ATIC: variants seen among roughly 807,000 people sequenced by gnomAD.
The protein encoded by ATIC is 5-aminoimidazole-4-carboxamide ribonucleotide formyltransferase/IMP cyclohydrolase, also known as bifunctional purine biosynthesis protein ATIC.
Under a neutral mutation model 72.5 loss-of-function variants are expected in ATIC, and 64 were observed. The ratio of observed to expected loss-of-function variants is 0.88; its 90% CI spans 0.72 to 1.09. The LOEUF (loss-of-function observed/expected upper bound fraction) is 1.09, where lower values mean the gene tolerates loss of function less well. Ranked by LOEUF, ATIC falls within the 50% of genes least tolerant of loss-of-function variation. The pLI, the probability that ATIC is intolerant of heterozygous loss-of-function variation, is 0.00. For missense variants in ATIC, 787 were observed against 732.4 expected (o/e 1.07, Z -0.86); for synonymous variants, 281 against 267.1 (o/e 1.05, Z -0.51).
chr2:215,314,626 G>A (rs1417359098), intron 2 of ATIC, among the ~76,000 whole-genome samples: 2 of 151,968 alleles, frequency 1.3e-5, no homozygotes, highest in Non-Finnish European at 2.9e-5. Context: ...AGCCTCCCAA[G>A]TAGCTAGGAT....
At chr2:215,325,914 A>C in intron 5 of ATIC, 73 bp from the exon 6 acceptor site, 5 of 1,554,592 alleles carry the variant, frequency 3.2e-6, no homozygotes, top group Non-Finnish European at 4.4e-6. Context: ...TACATGCACA[A>C]TGACTTTATT....
chr2:215,348,586 T>C, intron 14 of ATIC: 1 of 377,774 alleles, frequency 2.6e-6, no homozygotes, highest in South Asian at 1.9e-5. Flanking sequence ...ATCACTTTTT[T>C]TCCTTAATGA....
chr2:215,334,054 GTATT>G (rs1044287310), intron 9 of ATIC, among the ~76,000 whole-genome samples: 1 of 143,634 alleles, frequency 7.0e-6, no homozygotes, highest in Non-Finnish European at 1.5e-5. Flanking sequence ...AAAAAAAAAA[GTATT>G]TGTTAGTATT....
intron 5 of ATIC, 95 bp from the exon 6 acceptor site, chr2:215,325,892 T>G: frequency 6.8e-7 from 1 of 1,464,134 alleles, no homozygotes; most frequent in Non-Finnish European, 9.4e-7. Context: ...AAGTCAGGAA[T>G]TAAAATGGAA....
intron 7 of ATIC, among the ~76,000 whole-genome samples, chr2:215,328,931 G>A (rs956871813): frequency 5.9e-5 from 9 of 152,066 alleles, no homozygotes; most frequent in African/African-American, 2.2e-4. Flanking sequence ...TGGCCAGGCT[G>A]GTTTTGAACT....
downstream of ATIC, among the ~76,000 whole-genome samples, chr2:215,352,469 C>A (rs2053137617): frequency 6.6e-6 from 1 of 151,970 alleles, no homozygotes; most frequent in Non-Finnish European, 1.5e-5. Flanking sequence ...GTAATTCCAC[C>A]TACTTGGGAG....
chr2:215,348,963 A>AT, intron 14 of ATIC, 131 bp from the exon 15 acceptor site: 1 of 783,118 alleles, frequency 1.3e-6, no homozygotes, highest in East Asian at 3.3e-5. Context: ...TCTAAAAAAA[A>AT]AAAAATAATA....
At position 215,333,296 on chromosome 2, in the gene ATIC, G is replaced by C. The variant is rs113644379; in HGVS notation, c.815-54G>C. 2.0e-6 allele frequency: 3 copies of C among 1,473,506 alleles called. No individual in the cohort carries two copies. The African/African-American group carries it at 4.2e-5, about 20-fold the overall frequency. The allele number at this position is 1,473,506 out of a possible 1,614,324, so 91.3% of individuals were successfully genotyped here. On this transcript the variant is annotated intron_variant, in intron 8 of 15. Transcript: ENST00000236959. ...AGAAAACTGTCTTGATTTAGGAGTT[G>C]ACAGGTAGTAACTTTAGCTTTCTTT...
intron 13 of ATIC, among the ~76,000 whole-genome samples, chr2:215,346,274 A>G (rs1348404143): frequency 4.6e-5 from 7 of 152,022 alleles, no homozygotes; most frequent in South Asian, 2.1e-4. Context: ...CGGTCCTACC[A>G]CTTCAGCCTC....
chr2:215,333,536 A>G, intron 9 of ATIC, 79 bp downstream of exon 9: 1 of 1,121,166 alleles, frequency 8.9e-7, no homozygotes, highest in Non-Finnish European at 1.3e-6. Flanking sequence ...AGAGGATAGA[A>G]TAAAGAAAAA....
downstream of ATIC, among the ~76,000 whole-genome samples, chr2:215,350,962 C>G (rs1367934521): frequency 6.6e-6 from 1 of 152,178 alleles, no homozygotes; most frequent in African/African-American, 2.4e-5. Context: ...TCTGGTTAAG[C>G]TAATCTTCCA....
chr2:215,367,723 T>A, the ATIC span: 1 of 843,328 alleles, frequency 1.2e-6, no homozygotes, highest in South Asian at 1.5e-5. Context: ...AAAATATTAC[T>A]TCGAGTCAAA....
chr2:215,353,074 TC>T (rs753325047), downstream of ATIC, among the ~76,000 whole-genome samples: 104 of 152,346 alleles, frequency 6.8e-4, no homozygotes, highest in Non-Finnish European at 1.1e-3. Flanking sequence ...AATGTTCACT[TC>T]CTATATATTT....
chr2:215,352,846 C>G (rs955884853), downstream of ATIC, among the ~76,000 whole-genome samples: 1 of 138,972 alleles, frequency 7.2e-6, no homozygotes, highest in African/African-American at 2.6e-5. Flanking sequence ...TTCTTGCAGT[C>G]GATTGACTGA....
At chr2:215,358,375 A>C in the ATIC span, among the ~76,000 whole-genome samples, 2 of 151,990 alleles carry the variant, frequency 1.3e-5, no homozygotes, top group Admixed American at 6.6e-5. Flanking sequence ...ATGCCTTTTC[A>C]ATCTTGCCCG....
At chr2:215,312,331 G>A (rs2052661822) in intron 1 of ATIC, 167 bp from the exon 2 acceptor site, 2 of 1,490,238 alleles carry the variant, frequency 1.3e-6, no homozygotes, top group Non-Finnish European at 1.8e-6. Context: ...CCGCCTTAGA[G>A]CAGCTCGCGG....
chr2:215,357,030 G>A, the ATIC span, among the ~76,000 whole-genome samples: 559 of 152,254 alleles, frequency 3.7e-3, 5 homozygotes, highest in African/African-American at 0.012. Context: ...CAGCCGCACC[G>A]TTTTACATTT....
chr2:215,348,003 C>T (rs2053090237), intron 14 of ATIC, among the ~76,000 whole-genome samples: 1 of 152,130 alleles, frequency 6.6e-6, no homozygotes, highest in Non-Finnish European at 1.5e-5. Context: ...GATGGCACAG[C>T]CCTCTCTGGA....
At chr2:215,326,476 G>A (rs2052827659) in intron 6 of ATIC, among the ~76,000 whole-genome samples, 2 of 152,080 alleles carry the variant, frequency 1.3e-5, no homozygotes, top group African/African-American at 4.8e-5. Context: ...GTGGTGTGGT[G>A]TGGTACGCCT....
Sources: gnomAD v4.1 joint callset for allele counts (sites outside exome capture counted in the v4.1 genomes callset) on GRCh38, gnomAD v4.1.1 for gene constraint, MANE v1.5 for transcripts, NCBI Gene and HGNC (gene_info 2026-07-23, HGNC 2026-07-21) for gene names.